IFT56: variants seen among roughly 807,000 people sequenced by gnomAD.
IFT56 encodes intraflagellar transport protein 56.
chr7:139,143,497 C>T, the IFT56 span, among the ~76,000 whole-genome samples: 12 of 152,170 alleles, frequency 7.9e-5, no homozygotes, highest in African/African-American at 2.9e-4. Flanking sequence ...TATACTAGCT[C>T]TTTTGGGTAG....
chr7:139,165,535 TTTTTTC>T, the IFT56 span, among the ~76,000 whole-genome samples: 1 of 152,172 alleles, frequency 6.6e-6, no homozygotes, highest in African/African-American at 2.4e-5. Flanking sequence ...CTTACAGTTC[TTTTTTC>T]TTTTTCTAGT....
At chr7:139,158,748 T>C in the IFT56 span, among the ~76,000 whole-genome samples, 1 of 152,158 alleles carries the variant, frequency 6.6e-6, no homozygotes. Context: ...ATCCCATCTC[T>C]ACTAAAAATA....
At chr7:139,189,519 C>G in the IFT56 span, 1 of 930,596 alleles carries the variant, frequency 1.1e-6, no homozygotes, top group Non-Finnish European at 1.7e-6. Context: ...TGATACAGGG[C>G]TCTGTTTTAT....
At chr7:139,181,031 A>T in the IFT56 span, 2 of 1,054,208 alleles carry the variant, frequency 1.9e-6, no homozygotes, top group Admixed American at 2.2e-5. Flanking sequence ...TAAGGTGCAG[A>T]AATTATTTTT....
chr7:139,134,613 A>G, the IFT56 span: 114 of 1,551,060 alleles, frequency 7.3e-5, no homozygotes, highest in East Asian at 2.6e-3. Context: ...TAAATCTGAT[A>G]ATCAGAATTG....
At chr7:139,169,324 G>C in the IFT56 span, 2 of 1,614,034 alleles carry the variant, frequency 1.2e-6, no homozygotes, top group Non-Finnish European at 1.7e-6. Context: ...AGTTCTTCCA[G>C]TTGGTGGGAG....
At chr7:139,140,024 T>C in the IFT56 span, 1 of 1,427,712 alleles carries the variant, frequency 7.0e-7, no homozygotes, top group Non-Finnish European at 9.6e-7. Context: ...CTCTTATATC[T>C]GATATTCTTC....
the IFT56 span, among the ~76,000 whole-genome samples, chr7:139,161,984 A>G: frequency 2.6e-5 from 4 of 152,196 alleles, no homozygotes; most frequent in African/African-American, 9.7e-5. Context: ...TTGAGAATAG[A>G]TTTAGGAGTT....
At chr7:139,146,152 CTT>C in the IFT56 span, among the ~76,000 whole-genome samples, 1 of 152,070 alleles carries the variant, frequency 6.6e-6, no homozygotes, top group Middle Eastern at 3.2e-3. Flanking sequence ...GAAGACAATT[CTT>C]TACAAAATTT....
At chr7:139,181,852 A>G in the IFT56 span, among the ~76,000 whole-genome samples, 2 of 152,214 alleles carry the variant, frequency 1.3e-5, no homozygotes, top group African/African-American at 4.8e-5. Flanking sequence ...ATCTTATGGA[A>G]CCACAATCAT....
chr7:139,153,621 A>G, the IFT56 span, among the ~76,000 whole-genome samples: 1 of 152,136 alleles, frequency 6.6e-6, no homozygotes, highest in African/African-American at 2.4e-5. Flanking sequence ...TACTTAGCAT[A>G]GTGTTTACAA....
chr7:139,168,723 T>C, the IFT56 span: 1 of 331,964 alleles, frequency 3.0e-6, no homozygotes, highest in South Asian at 3.7e-5. Flanking sequence ...AACTTACATA[T>C]ATCTAGCTAT....
chr7:139,182,889 G>T, the IFT56 span, among the ~76,000 whole-genome samples: 13 of 152,126 alleles, frequency 8.5e-5, no homozygotes, highest in Non-Finnish European at 1.8e-4. Flanking sequence ...GGATAGAAAT[G>T]CATGAGGACT....
At chr7:139,171,579 C>T in the IFT56 span, among the ~76,000 whole-genome samples, 6 of 152,012 alleles carry the variant, frequency 3.9e-5, no homozygotes, top group Non-Finnish European at 5.9e-5. Flanking sequence ...GTGCCAAGAA[C>T]CTGTAGAGAA....
At chr7:139,143,650 C>G in the IFT56 span, among the ~76,000 whole-genome samples, 1 of 151,954 alleles carries the variant, frequency 6.6e-6, no homozygotes, top group Non-Finnish European at 1.5e-5. Flanking sequence ...AAAAAAACCT[C>G]TAGTATATAA....
the IFT56 span, among the ~76,000 whole-genome samples, chr7:139,159,791 T>C: frequency 1.3e-5 from 2 of 152,230 alleles, no homozygotes. Context: ...GGGTTTATTA[T>C]TGTTATTTTT....
chr7:139,149,980 A>G, the IFT56 span, among the ~76,000 whole-genome samples: 2 of 152,148 alleles, frequency 1.3e-5, no homozygotes, highest in Non-Finnish European at 2.9e-5. Flanking sequence ...TCTATATACA[A>G]ATATGTGGGT....
chr7:139,152,951 C>T, the IFT56 span, among the ~76,000 whole-genome samples: 2 of 152,044 alleles, frequency 1.3e-5, no homozygotes, highest in East Asian at 3.9e-4. Flanking sequence ...GAGTTCGAGA[C>T]CAGCCTGGGC....
At chr7:139,169,228 A>T in the IFT56 span, 1 of 1,369,272 alleles carries the variant, frequency 7.3e-7, no homozygotes, top group Non-Finnish European at 1.0e-6. Flanking sequence ...AGAACCATAT[A>T]GTATAATAAA....
Sources: allele counts gnomAD v4.1 joint callset (sites outside exome capture counted in the v4.1 genomes callset), GRCh38; gene constraint gnomAD v4.1.1; transcripts MANE v1.5; gene names NCBI Gene and HGNC (gene_info 2026-07-23, HGNC 2026-07-21).